SPTBN4: variants seen among roughly 807,000 people sequenced by gnomAD.
SPTBN4 encodes spectrin beta chain, non-erythrocytic 4.
A neutral mutation model predicts 277.8 loss-of-function variants in SPTBN4; 96 were observed. The observed-to-expected ratio is 0.35, with a 90% CI of 0.29 to 0.41. SPTBN4 has a LOEUF of 0.41. Among genes scored for constraint, SPTBN4 ranks in the 10% least tolerant of loss-of-function variants. The probability of loss-of-function intolerance (pLI) is 1.00; values close to 1 mark genes in which losing one functional copy is unlikely to be tolerated. For missense variants in SPTBN4, 3,006 were observed against 3,595.7 expected (o/e 0.84, Z 4.19); for synonymous variants, 1,481 against 1,580.3 (o/e 0.94, Z 1.49).
intron 17 of SPTBN4, 35 bp downstream of exon 17, chr19:40,523,674 G>C: frequency 1.9e-6 from 3 of 1,565,254 alleles, no homozygotes; most frequent in Non-Finnish European, 2.6e-6. Context: ...CCAGGGAGGG[G>C]GCAGAAGATG....
intron 12 of SPTBN4, 149 bp from the exon 13 acceptor site, chr19:40,506,085 AAG>A: frequency 1.9e-6 from 2 of 1,039,940 alleles, no homozygotes; most frequent in South Asian, 2.5e-5. Context: ...CAGAGCTGGT[AAG>A]AGAGTCTTGA....
intron 12 of SPTBN4, among the ~76,000 whole-genome samples, chr19:40,505,004 T>G (rs1255220638): frequency 6.6e-6 from 1 of 151,338 alleles, no homozygotes; most frequent in African/African-American, 2.4e-5. Context: ...GAAATCTACA[T>G]GACTACAGAG....
At chr19:40,516,660 C>G (rs780654863) in intron 15 of SPTBN4, among the ~76,000 whole-genome samples, 20 of 151,974 alleles carry the variant, frequency 1.3e-4, no homozygotes, top group Non-Finnish European at 2.2e-4. Context: ...CCCATCTCTA[C>G]TAAAAATACA....
chr19:40,540,018 C>G (rs1459633712), intron 20 of SPTBN4, among the ~76,000 whole-genome samples: 3 of 151,832 alleles, frequency 2.0e-5, no homozygotes, highest in African/African-American at 7.3e-5. Flanking sequence ...CCTCTGCCTC[C>G]TGGGTTCAAG....
At chr19:40,516,378 T>C (rs1472958880) in intron 15 of SPTBN4, among the ~76,000 whole-genome samples, 1 of 152,000 alleles carries the variant, frequency 6.6e-6, no homozygotes, top group Non-Finnish European at 1.5e-5. Context: ...TCATGGCTCA[T>C]TGCAGCCTCC....
chr19:40,531,050 C>T (rs2080664148), intron 18 of SPTBN4, among the ~76,000 whole-genome samples: 1 of 151,260 alleles, frequency 6.6e-6, no homozygotes, highest in African/African-American at 2.4e-5. Context: ...GGGGCTCTGC[C>T]TTGGAAGATG....
At position 40,549,396 on chromosome 19, in the gene SPTBN4, G is replaced by A; in HGVS notation, c.4567G>A (p.Asp1523Asn). 3.1e-6 allele frequency: 4 copies of A among 1,276,438 alleles called. No homozygotes were observed. The highest frequency in any genetic ancestry group is 3.2e-4 in the Middle Eastern group (1 of 3,170). 79.1% of individuals were successfully genotyped at this position (1,276,438 alleles called of 1,614,324 possible). Residue 1523 changes from aspartate to asparagine, a missense_variant, in exon 21 of 36, where the codon GAC becomes AAC. Transcript: ENST00000598249. ...ASKELHQVAH[D>N]LDDELAWVQE... ...CAAGGAGTTGCACCAGGTGGCGCACGACCTGGACGACGAGCTGGTGAGGCC... is the reference window on the plus strand; with the variant it reads ...CAAGGAGTTGCACCAGGTGGCGCACAACCTGGACGACGAGCTGGTGAGGCC...
chr19:40,532,283 T>A (rs2080684183), intron 18 of SPTBN4, among the ~76,000 whole-genome samples: 1 of 60,786 alleles, frequency 1.6e-5, no homozygotes, highest in Non-Finnish European at 4.0e-5. Flanking sequence ...TTGGAGAGCT[T>A]GTTTTGGGGG....
rs887380218 is a variant in SPTBN4, at chr19:40,511,034, T to G, written c.1817-1572T>G. Among the ~76,000 whole-genome samples, 6 of 150,592 alleles carry G rather than the reference T, an allele frequency of 4.0e-5. No homozygotes were observed. The East Asian group carries it at 1.2e-3, about 30-fold the overall frequency. ...CCTATCTCTAAAATAAATAAATAAA[T>G]AAATAAACACACTTACCTCATGACT... On this transcript the variant is annotated intron_variant, in intron 13 of 35. Transcript: ENST00000598249.
At chr19:40,476,878 C>A (rs1299121216) in intron 2 of SPTBN4, among the ~76,000 whole-genome samples, 1 of 151,756 alleles carries the variant, frequency 6.6e-6, no homozygotes, top group Non-Finnish European at 1.5e-5. Flanking sequence ...TGAGCCACCG[C>A]GCCCGTCCTG....
intron 14 of SPTBN4, 55 bp downstream of exon 14, chr19:40,513,609 C>T: frequency 6.9e-7 from 1 of 1,439,936 alleles, no homozygotes; most frequent in South Asian, 1.4e-5. Flanking sequence ...CCCAGTCTCA[C>T]CTTCATTGGC....
In SPTBN4 at chr19:40,570,569, G is replaced by A; in HGVS notation, c.7160G>A (p.Arg2387Lys). Reference protein sequence around the residue: ...RPKPRRRPRPREGGEGGGSRR... With the variant: ...RPKPRRRPRPKEGGEGGGSRR... ...AAGCCGCGACGGCGGCCGCGGCCCAGAGAGGGTGGTGAGGGCGGGGGAAGC... is the reference window on the plus strand; with the variant it reads ...AAGCCGCGACGGCGGCCGCGGCCCAAAGAGGGTGGTGAGGGCGGGGGAAGC... Residue 2387 changes from arginine to lysine, a missense_variant, in exon 33 of 36, where the codon AGA becomes AAA. This residue lies in a region of SPTBN4 where 630 missense variants were observed against 677.6 expected (regional missense o/e 0.93). Coordinates refer to ENST00000598249, the MANE Select transcript of SPTBN4 (RefSeq NM_020971.3). 2 of 1,379,286 alleles carry A rather than the reference G, an allele frequency of 1.5e-6. No homozygotes were observed. The highest frequency in any genetic ancestry group is 1.9e-6 in the Non-Finnish European group (2 of 1,069,662). The allele number at this position is 1,379,286 out of a possible 1,614,324, so 85.4% of individuals were successfully genotyped here. A position where few individuals can be genotyped will look rare whatever the true frequency, so the allele number is the denominator to read the frequency against.
At chr19:40,496,246 T>C (rs1844344428) in intron 6 of SPTBN4, among the ~76,000 whole-genome samples, 1 of 152,138 alleles carries the variant, frequency 6.6e-6, no homozygotes. Flanking sequence ...GCTTCCCAGA[T>C]TCAAGTGATT....
chr19:40,472,832 AG>A (rs2079902001), intron 2 of SPTBN4, 42 bp downstream of exon 2: 2 of 793,140 alleles, frequency 2.5e-6, no homozygotes, highest in Admixed American at 2.9e-5. Flanking sequence ...AGGAGGGGGA[AG>A]GGGGAAGGGT....
At chr19:40,484,555 A>G (rs1209615875) in intron 2 of SPTBN4, among the ~76,000 whole-genome samples, 2 of 152,128 alleles carry the variant, frequency 1.3e-5, no homozygotes, top group Non-Finnish European at 2.9e-5. Context: ...TTCTGTAGAC[A>G]TTGACCTTGG....
intron 27 of SPTBN4, among the ~76,000 whole-genome samples, chr19:40,564,234 G>A (rs960590201): frequency 7.9e-5 from 12 of 152,188 alleles, no homozygotes; most frequent in African/African-American, 2.9e-4. Flanking sequence ...GCAGGTGCCT[G>A]TAATCCCAGC....
At chr19:40,486,335 A>G (rs1216848559) in intron 2 of SPTBN4, among the ~76,000 whole-genome samples, 2 of 151,916 alleles carry the variant, frequency 1.3e-5, no homozygotes, top group African/African-American at 4.8e-5. Flanking sequence ...AGTGTTGGCA[A>G]GGATTTGGAG....
intron 32 of SPTBN4, among the ~76,000 whole-genome samples, chr19:40,569,963 CACACACACACAG>C (rs1293772179): frequency 2.6e-3 from 389 of 147,168 alleles, no homozygotes; most frequent in African/African-American, 9.3e-3. Flanking sequence ...CACACACACA[CACACACACACAG>C]ACACACACAC....
At chr19:40,526,909 C>T (rs554348211) in intron 17 of SPTBN4, among the ~76,000 whole-genome samples, 16 of 152,316 alleles carry the variant, frequency 1.1e-4, no homozygotes, top group African/African-American at 3.1e-4. Flanking sequence ...TTCTTTCACC[C>T]TCATGGAGAC....
Sources: allele counts gnomAD v4.1 joint callset (sites outside exome capture counted in the v4.1 genomes callset), GRCh38; gene constraint gnomAD v4.1.1; regional missense constraint gnomAD v4.1.1; transcripts MANE v1.5; gene names NCBI Gene and HGNC (gene_info 2026-07-23, HGNC 2026-07-21).